Variants in LIG3 observed in about 807,000 individuals in gnomAD.
LIG3 encodes ligase II, DNA, ATP-dependent.
A neutral mutation model predicts 110.9 loss-of-function variants in LIG3; 58 were observed. The observed-to-expected ratio is 0.52, with a 90% CI of 0.42 to 0.65. The LOEUF (loss-of-function observed/expected upper bound fraction) is 0.65, where lower values mean the gene tolerates loss of function less well. LIG3 is among the 30% of genes least tolerant of loss of function. The pLI, the probability that LIG3 is intolerant of heterozygous loss-of-function variation, is 0.00. For missense variants in LIG3, 1,094 were observed against 1,273.8 expected, an observed-to-expected ratio of 0.86 and a Z score of 2.15; for synonymous variants, 422 against 472.8, an observed-to-expected ratio of 0.89 and a Z score of 1.39.
Position 35,001,993 on chromosome 17 carries a change from G to C in LIG3, c.2563G>C (p.Glu855Gln). Residue 855 changes from glutamate (E) to glutamine (Q), a missense_variant, in exon 18 of 20, where the codon GAA (glutamate) becomes CAA (glutamine). Coordinates refer to ENST00000378526, the MANE Select transcript of LIG3 (RefSeq NM_013975.4). ...GAGCTCCACTACAGGGGGTAGCAGT[G>C]AAGAGAATAAGGGTCCCTCAGGGTC... ...EGSSTTGGSS[E>Q]ENKGPSGSAV... The C allele has an allele frequency of 6.2e-7, 1 of 1,613,124 alleles. No individual in the cohort carries two copies. The highest frequency in any genetic ancestry group is 8.5e-7 in the Non-Finnish European group (1 of 1,179,578).
intron 16 of LIG3, among the ~76,000 whole-genome samples, chr17:35,000,812 C>A (rs948874584): frequency 6.6e-6 from 1 of 151,770 alleles, no homozygotes; most frequent in Non-Finnish European, 1.5e-5. Flanking sequence ...TAGGGTTTTA[C>A]CATGTTGGCC....
At chr17:34,994,239 A>T in intron 8 of LIG3, 37 bp from the exon 9 acceptor site, 2 of 1,595,300 alleles carry the variant, frequency 1.3e-6, no homozygotes, top group East Asian at 2.2e-5. Context: ...GCAGCCCCTC[A>T]TTGAAAGTCT....
At chr17:35,003,400 C>T (rs1412183012) in intron 19 of LIG3, 10 of 221,224 alleles carry the variant, frequency 4.5e-5, no homozygotes, top group African/African-American at 1.6e-4. Context: ...CTGCAACCTC[C>T]GCCTCCCAGG....
At chr17:34,992,801 G>T in intron 8 of LIG3, 109 bp downstream of exon 8, 1 of 1,093,128 alleles carries the variant, frequency 9.1e-7, no homozygotes, top group Non-Finnish European at 1.2e-6. Flanking sequence ...ATTGACTGGA[G>T]AAGTTTAGGG....
intron 3 of LIG3, among the ~76,000 whole-genome samples, chr17:34,988,650 A>AT (rs908685324): frequency 2.3e-4 from 35 of 149,678 alleles, no homozygotes; most frequent in South Asian, 4.2e-4. Flanking sequence ...AAAATGTATT[A>AT]TTTTTTTTTT....
rs144307769 is a variant in LIG3 at position 34,983,072 on chromosome 17, C to G, written c.67C>G (p.Leu23Val). The change falls in exon 2 of 20, where the codon CTA becomes GTA. Residue 23 changes from leucine (L) to valine (V), a missense_variant. Physicochemically the swap from Leu to Val is conservative, Grantham distance 32. Transcript: ENST00000378526. The part of the protein sequence containing the change: ...LRALSRKELC[L>V]FRKHHWRDVR... Reference sequence around the variant, plus strand: ...TGCACTCAGCCGAAAAGAACTGTGCCTATTCCGAAAACATCACTGGCGTGA... The same window carrying G: ...TGCACTCAGCCGAAAAGAACTGTGCGTATTCCGAAAACATCACTGGCGTGA... 1.2e-6 allele frequency: 2 copies of G among 1,613,668 alleles called. No individual in the cohort carries two copies. Among genetic ancestry groups the G allele is most frequent in the Non-Finnish European group, 1.7e-6 (2 of 1,179,846 alleles).
intron 15 of LIG3, 114 bp downstream of exon 15, chr17:34,999,563 C>A: frequency 7.3e-7 from 1 of 1,374,464 alleles, no homozygotes; most frequent in Non-Finnish European, 9.9e-7. Flanking sequence ...AGGGTTGCAG[C>A]TTGCTCAGGG....
At chr17:34,987,653 T>A (rs933351943) in intron 3 of LIG3, among the ~76,000 whole-genome samples, 2 of 152,266 alleles carry the variant, frequency 1.3e-5, no homozygotes, top group Non-Finnish European at 2.9e-5. Flanking sequence ...GAGCACGTCC[T>A]TACCTCTCTT....
chr17:34,993,557 T>C (rs563292315), intron 8 of LIG3, among the ~76,000 whole-genome samples: 16 of 152,344 alleles, frequency 1.1e-4, no homozygotes, highest in South Asian at 4.2e-4. Flanking sequence ...ATGGGTTATA[T>C]AGCTTAGTGG....
chr17:34,982,299 A>G (rs939492472), intron 1 of LIG3, among the ~76,000 whole-genome samples: 4 of 152,144 alleles, frequency 2.6e-5, no homozygotes, highest in African/African-American at 9.7e-5. Flanking sequence ...TATGTGTTAA[A>G]CTTCACAATA....
At chr17:35,002,202 CATGATTATCTGTGTCCACTGCAGTGGACA>C in intron 18 of LIG3, 98 bp downstream of exon 18, 1 of 1,061,414 alleles carries the variant, frequency 9.4e-7, no homozygotes, top group South Asian at 1.7e-5. Flanking sequence ...CCTGAGATCT[CATGATTATCTGTGTCCACTGCAGTGGACA>C]CAGACTACAT....
At chr17:34,989,716 G>C (rs768848097) in intron 4 of LIG3, 53 bp downstream of exon 4, 1 of 1,556,764 alleles carries the variant, frequency 6.4e-7, no homozygotes, top group Non-Finnish European at 8.9e-7. Context: ...TCAAGGCCAT[G>C]GCTGCCTTCC....
At position 34,997,744 on chromosome 17, in the gene LIG3, G is replaced by A; in HGVS notation, c.1830G>A (p.Leu610=). ...GCTCTCCTGTTCTCCTCAGACCTCT[G>A]TGTGAGCGGCGGAAGTTTCTTCATG... ...FNDVSLMDRP[L]CERRKFLHDN... The change falls in exon 12 of 20, where the codon CTG becomes CTA. Residue 610 remains leucine, a synonymous_variant. Transcript: ENST00000378526. 1 of 1,613,778 alleles carries A rather than the reference G, an allele frequency of 6.2e-7. No homozygotes were observed. The highest frequency in any genetic ancestry group is 8.5e-7 in the Non-Finnish European group (1 of 1,179,690).
chr17:35,003,371 G>A (rs3785753), intron 19 of LIG3: 8,893 of 297,890 alleles, frequency 0.03, 459 homozygotes, highest in East Asian at 0.19. Flanking sequence ...CAATCACAGC[G>A]CACTGCAACC....
At chr17:34,989,422 C>T (rs780013467) in intron 3 of LIG3, 44 bp from the exon 4 acceptor site, 10 of 1,541,758 alleles carry the variant, frequency 6.5e-6, no homozygotes, top group African/African-American at 1.4e-5. Flanking sequence ...TTTCTTTCTT[C>T]TCAGAAAGGC....
Position 34,989,624 on chromosome 17 carries a change from C to A in LIG3, c.850C>A (p.Gln284Lys). ...TAATCCTAGCTACAACACGAAGACC[C>A]AGATCATCCAGGACTTCCTTCGGAA... ...ADNPSYNTKT[Q>K]IIQDFLRKGS... The change falls in exon 4 of 20, where the codon CAG becomes AAG. Residue 284 changes from glutamine (Q) to lysine (K), a missense_variant. Physicochemically the swap from Gln to Lys is moderately conservative, Grantham distance 53. Coordinates refer to ENST00000378526, the MANE Select transcript of LIG3 (RefSeq NM_013975.4). The A allele has an allele frequency of 6.2e-7, 1 of 1,614,136 alleles. No individual in the cohort carries two copies. The highest frequency in any genetic ancestry group is 1.7e-5 in the Admixed American group (1 of 60,020).
chr17:35,002,548 G>C (rs2090854337), intron 18 of LIG3, 120 bp from the exon 19 acceptor site: 2 of 1,019,080 alleles, frequency 2.0e-6, no homozygotes, highest in East Asian at 2.7e-5. Context: ...ATCCAGGCTG[G>C]AGTGCAGTGG....
In LIG3 at chr17:34,989,354, C is replaced by T. The variant is rs115301160; in HGVS notation, c.692-112C>T. 1,205 of 943,718 alleles carry T rather than the reference C, an allele frequency of 1.3e-3. 14 individuals carry two copies. In the African/African-American group the frequency reaches 0.017, roughly 13 times the overall value. The allele number at this position is 943,718 out of a possible 1,614,324, so 58.5% of individuals were successfully genotyped here. On this transcript the variant is annotated intron_variant, in intron 3 of 19. Coordinates refer to ENST00000378526, the MANE Select transcript of LIG3 (RefSeq NM_013975.4). ...ATGACATCTACCCCAAAAGTCTATT[C>T]GGGGAGATTAAATAAAGCTAAATAC... is the stretch of plus-strand genomic sequence containing the variant.
Position 34,985,969 on chromosome 17 carries a change from C to T in LIG3, c.548-19C>T. 6.2e-7 allele frequency: 1 copy of T among 1,608,384 alleles called. No individual in the cohort carries two copies. Among genetic ancestry groups the T allele is most frequent in the Non-Finnish European group, 8.5e-7 (1 of 1,176,972 alleles). ...ATCGTTCACTGAAGGATATTTTATACTCTTTTGGGATCCTACAGATCTGTC... is the reference window on the plus strand; with the variant it reads ...ATCGTTCACTGAAGGATATTTTATATTCTTTTGGGATCCTACAGATCTGTC... On this transcript the variant is annotated intron_variant, in intron 2 of 19. Transcript: ENST00000378526.
Sources: gnomAD v4.1 joint callset for allele counts (sites outside exome capture counted in the v4.1 genomes callset) on GRCh38, gnomAD v4.1.1 for gene constraint, MANE v1.5 for transcripts, NCBI Gene and HGNC (gene_info 2026-07-23, HGNC 2026-07-21) for gene names.